Variants in NFASC observed in about 807,000 individuals in gnomAD.
NFASC encodes the protein neurofascin homolog.
A neutral mutation model predicts 147.5 loss-of-function variants in NFASC; 43 were observed. That is an observed-to-expected ratio of 0.29 (90% CI 0.23 to 0.38). The LOEUF (loss-of-function observed/expected upper bound fraction) is 0.38. NFASC is among the 10% of genes least tolerant of loss of function. The pLI, the probability that NFASC is intolerant of heterozygous loss-of-function variation, is 1.00. For synonymous variants in NFASC, 622 were observed against 665.5 expected (o/e 0.93, Z 1.01); for missense variants, 1,320 against 1,689.0 (o/e 0.78, Z 3.83).
intron 1 of NFASC, among the ~76,000 whole-genome samples, chr1:204,896,018 A>G (rs2083313773): frequency 6.6e-6 from 1 of 152,188 alleles, no homozygotes; most frequent in South Asian, 2.1e-4. Flanking sequence ...GGATTCCTTG[A>G]GATTATTTTG....
intron 1 of NFASC, among the ~76,000 whole-genome samples, chr1:204,844,602 T>C (rs6702731): frequency 0.22 from 33,009 of 152,092 alleles, 5,423 homozygotes; most frequent in East Asian, 0.53. Flanking sequence ...AACTGCAGGC[T>C]GGGCGCGGTG....
At chr1:204,915,003 C>T (rs1316543225) in intron 1 of NFASC, among the ~76,000 whole-genome samples, 4 of 152,230 alleles carry the variant, frequency 2.6e-5, no homozygotes, top group South Asian at 2.1e-4. Context: ...GCACGCTGGG[C>T]GCGGTGGCTC....
chr1:204,859,638 G>T (rs2102820008), intron 1 of NFASC, among the ~76,000 whole-genome samples: 1 of 152,306 alleles, frequency 6.6e-6, no homozygotes, highest in African/African-American at 2.4e-5. Context: ...GCTGGGTCTT[G>T]GGTCCCGCAG....
chr1:204,899,216 A>G (rs1234845434), intron 1 of NFASC, among the ~76,000 whole-genome samples: 2 of 152,240 alleles, frequency 1.3e-5, no homozygotes, highest in African/African-American at 4.8e-5. Context: ...GAACATGACA[A>G]TCTGCTTCTT....
At chr1:204,982,322 A>T (rs1337741305) in intron 21 of NFASC, among the ~76,000 whole-genome samples, 2 of 152,246 alleles carry the variant, frequency 1.3e-5, no homozygotes, top group African/African-American at 2.4e-5. Context: ...CATCAATGTC[A>T]GTCTTGAGAA....
chr1:204,948,836 T>A (rs2093948765), intron 3 of NFASC, among the ~76,000 whole-genome samples: 1 of 152,146 alleles, frequency 6.6e-6, no homozygotes, highest in Non-Finnish European at 1.5e-5. Flanking sequence ...CCCAAAAATG[T>A]CCTGAATGAA....
intron 1 of NFASC, among the ~76,000 whole-genome samples, chr1:204,889,259 T>C (rs1424331966): frequency 1.3e-5 from 2 of 152,254 alleles, no homozygotes; most frequent in East Asian, 3.8e-4. Flanking sequence ...CTTCTGTCAA[T>C]GAAGTTAAAC....
intron 1 of NFASC, among the ~76,000 whole-genome samples, chr1:204,862,455 G>A (rs953447478): frequency 6.6e-6 from 1 of 152,246 alleles, no homozygotes; most frequent in African/African-American, 2.4e-5. Flanking sequence ...TCATTTAAAA[G>A]ATCAGCTGGA....
Position 205,012,926 on chromosome 1 carries a change from C to A in NFASC, c.3491+60C>A. The A allele has an allele frequency of 4.1e-6, 5 of 1,226,016 alleles. No homozygotes were observed. In the Middle Eastern group the frequency reaches 9.7e-4, roughly 239 times the overall value. The allele number at this position is 1,226,016 out of a possible 1,614,324, so 75.9% of individuals were successfully genotyped here. A position where few individuals can be genotyped will look rare whatever the true frequency, so the allele number is the denominator to read the frequency against. ...TGTCCTCCCTGTCCCTGAGGCACCA[C>A]CCTCCCCTCAGAGTAGCTCCGCTTG... On this transcript the variant is annotated intron_variant, in intron 29 of 29. Transcript: ENST00000339876.
intron 21 of NFASC, chr1:204,984,333 GTGTGTGTGTGTGTATATATATATA>G (rs1450261688): frequency 6.0e-6 from 2 of 331,626 alleles, no homozygotes; most frequent in Admixed American, 9.7e-5. Context: ...ATATATATAT[GTGTGTGTGTGTGTATATATATATA>G]TGTGTGTGTG....
At chr1:204,951,372 C>A (rs1357345292) in intron 4 of NFASC, among the ~76,000 whole-genome samples, 1 of 145,020 alleles carries the variant, frequency 6.9e-6, no homozygotes, top group Non-Finnish European at 1.5e-5. Flanking sequence ...CCATGTTGGC[C>A]AGGCTGGTCT....
chr1:204,898,755 A>G (rs1360899815), intron 1 of NFASC, among the ~76,000 whole-genome samples: 2 of 152,206 alleles, frequency 1.3e-5, no homozygotes, highest in African/African-American at 4.8e-5. Context: ...ACCAGCTCAC[A>G]CAGATCTCCT....
intron 8 of NFASC, among the ~76,000 whole-genome samples, chr1:204,965,020 C>T (rs1321928789): frequency 2.0e-4 from 30 of 152,188 alleles, no homozygotes; most frequent in Non-Finnish European, 2.4e-4. Context: ...CACTCTGAGC[C>T]ACAGCTTACG....
rs1335146121 is a variant in NFASC at position 204,986,914 on chromosome 1, C to T, written c.2471-504C>T. ...TCTCCCCAACACTCCCACCCTCCCA[C>T]CTCTTCCGGATGTTCCACCCTGGCT... On this transcript the variant is annotated intron_variant, in intron 21 of 29. Transcript: ENST00000339876. The surrounding 1 kb of genome is among the most constrained non-coding windows in gnomAD (Gnocchi z 4.2). The T allele has an allele frequency of 6.4e-6, 1 of 157,350 alleles. No individual in the cohort carries two copies. The highest frequency in any genetic ancestry group is 1.4e-5 in the Non-Finnish European group (1 of 71,502). The allele number at this position is 157,350 out of a possible 1,614,324, so 9.7% of individuals were successfully genotyped here.
intron 1 of NFASC, among the ~76,000 whole-genome samples, chr1:204,833,595 A>G (rs1015560076): frequency 1.4e-4 from 21 of 152,238 alleles, no homozygotes; most frequent in Admixed American, 1.3e-3. Context: ...TCTGAAAGAT[A>G]GAAATGTGGT....
At chr1:204,931,205 C>G (rs2092336813) in intron 2 of NFASC, among the ~76,000 whole-genome samples, 1 of 152,172 alleles carries the variant, frequency 6.6e-6, no homozygotes, top group Non-Finnish European at 1.5e-5. Flanking sequence ...ATCATTAGTT[C>G]CAACTAAAAG....
At chr1:204,904,095 G>A (rs1282400087) in intron 1 of NFASC, among the ~76,000 whole-genome samples, 2 of 152,086 alleles carry the variant, frequency 1.3e-5, no homozygotes, top group South Asian at 2.1e-4. Flanking sequence ...AGTTTTTCGT[G>A]TGTGTGTTTG....
At chr1:204,902,175 G>C (rs1449905855) in intron 1 of NFASC, among the ~76,000 whole-genome samples, 2 of 152,248 alleles carry the variant, frequency 1.3e-5, no homozygotes, top group South Asian at 4.1e-4. Flanking sequence ...CACACCTGTA[G>C]TCACAGCTAT....
At chr1:204,982,804 T>C (rs1320555874) in intron 21 of NFASC, among the ~76,000 whole-genome samples, 1 of 152,134 alleles carries the variant, frequency 6.6e-6, no homozygotes, top group Non-Finnish European at 1.5e-5. Context: ...GGAGAAGTGA[T>C]CATGTAGGTG....
Sources: gnomAD v4.1 joint callset for allele counts (sites outside exome capture counted in the v4.1 genomes callset) on GRCh38, gnomAD v4.1.1 for gene constraint, Gnocchi (gnomAD v3.1) non-coding constraint, MANE v1.5 for transcripts, NCBI Gene and HGNC (gene_info 2026-07-23, HGNC 2026-07-21) for gene names.